RGS7: variants seen among roughly 807,000 people sequenced by gnomAD.
The protein encoded by RGS7 is regulator of G-protein signaling 7.
RGS7 carries 27 observed loss-of-function variants against 81.1 expected under a neutral mutation model. That is an observed-to-expected ratio of 0.33 (90% CI 0.25 to 0.46). The LOEUF is 0.46. Among genes scored for constraint, RGS7 ranks in the 20% least tolerant of loss-of-function variants. The pLI is 1.00. For synonymous variants in RGS7, 208 were observed against 207.7 expected (o/e 1.00, Z -0.01); for missense variants, 396 against 607.4 (o/e 0.65, Z 3.66).
intron 2 of RGS7, among the ~76,000 whole-genome samples, chr1:241,309,286 T>C (rs2080358713): frequency 6.9e-6 from 1 of 144,748 alleles, no homozygotes; most frequent in Non-Finnish European, 1.5e-5. Context: ...CCCGGGAGGC[T>C]GAGGCATGAG....
At chr1:241,253,829 A>C (rs1350937824) in intron 2 of RGS7, among the ~76,000 whole-genome samples, 1 of 152,156 alleles carries the variant, frequency 6.6e-6, no homozygotes, top group Non-Finnish European at 1.5e-5. Context: ...TATTTCTGTC[A>C]AAGAGACAGA....
intron 3 of RGS7, among the ~76,000 whole-genome samples, chr1:241,024,773 C>T (rs2059707150): frequency 6.6e-6 from 1 of 152,066 alleles, no homozygotes; most frequent in Non-Finnish European, 1.5e-5. Context: ...ATTTGAAATG[C>T]TTATGTATTA....
chr1:240,954,550 A>C (rs431188), intron 4 of RGS7, among the ~76,000 whole-genome samples: 131,585 of 151,408 alleles, frequency 0.87, 57,366 homozygotes, highest in Admixed American at 0.93. Flanking sequence ...AAACTTATCC[A>C]TGTAAAAGAA....
At chr1:240,793,611 A>ATATATATATATATATATATATTTTTTTT in intron 18 of RGS7, among the ~76,000 whole-genome samples, 2 of 78,870 alleles carry the variant, frequency 2.5e-5, no homozygotes, top group African/African-American at 9.7e-5. Flanking sequence ...ATATATATAT[A>ATATATATATATATATATATATTTTTTTT]TTTTTTTTTT....
chr1:241,047,682 T>C (rs1376838583), intron 3 of RGS7, among the ~76,000 whole-genome samples: 2 of 151,926 alleles, frequency 1.3e-5, no homozygotes, highest in South Asian at 2.1e-4. Context: ...ATTCATGCCA[T>C]TGCAACCATG....
intron 2 of RGS7, among the ~76,000 whole-genome samples, chr1:241,187,363 A>G (rs569385895): frequency 8.5e-5 from 13 of 152,334 alleles, no homozygotes; most frequent in Non-Finnish European, 1.6e-4. Context: ...GTGATAAATG[A>G]CTTATTCAAT....
intron 3 of RGS7, among the ~76,000 whole-genome samples, chr1:240,993,209 AAAAG>A (rs1301654117): frequency 6.6e-6 from 1 of 150,852 alleles, no homozygotes; most frequent in African/African-American, 2.4e-5. Flanking sequence ...AGAAGGAGAG[AAAAG>A]AAAGGAAGGA....
chr1:241,223,642 G>A lies in RGS7; in HGVS notation c.79-124880C>T, dbSNP rs1040938182. Among the ~76,000 whole-genome samples, 28 of 151,808 alleles carry A rather than the reference G, an allele frequency of 1.8e-4. 1 individual carries two copies. Among genetic ancestry groups the A allele is most frequent in the African/African-American group, 6.0e-4 (25 of 41,396 alleles). On this transcript the variant is annotated intron_variant, in intron 2 of 18. Coordinates refer to ENST00000440928, the MANE Select transcript of RGS7 (RefSeq NM_001364886.1). ...ATTCAAATATTGTAAAGTTTGTCACGTGAAAGAGGAATTAGCCTGTTCTCC... is the reference window on the plus strand; with the variant it reads ...ATTCAAATATTGTAAAGTTTGTCACATGAAAGAGGAATTAGCCTGTTCTCC...
chr1:241,013,749 T>C (rs965693967), intron 3 of RGS7, among the ~76,000 whole-genome samples: 1 of 152,192 alleles, frequency 6.6e-6, no homozygotes, highest in African/African-American at 2.4e-5. Context: ...TCAAGGAATT[T>C]AAAAAGCTGT....
intron 2 of RGS7, among the ~76,000 whole-genome samples, chr1:241,240,435 T>C (rs1448237423): frequency 2.0e-5 from 3 of 152,184 alleles, no homozygotes; most frequent in African/African-American, 7.2e-5. Flanking sequence ...CCTTTAAAAA[T>C]GGCCACAAAT....
chr1:240,870,769 T>C (rs978387706), intron 6 of RGS7, among the ~76,000 whole-genome samples: 5 of 152,182 alleles, frequency 3.3e-5, no homozygotes, highest in Admixed American at 2.6e-4. Flanking sequence ...AAAATCATTT[T>C]GTGAAAAGGA....
rs114126072 is a variant in RGS7, at chr1:240,823,815, C to A, written c.684+3283G>T. Among the ~76,000 whole-genome samples the A allele has an allele frequency of 2.2e-5, 3 of 137,216 alleles. No homozygotes were observed. In the East Asian group the frequency reaches 7.6e-4, roughly 35 times the overall value. The allele number at this position is 137,216 out of a possible 152,430, so 90.0% of individuals were successfully genotyped here. ...AATCTCTGTCTCTGTCTCTCTCCCCCCTCCCGCCCCCCACTCTGTCTCTGG... is the reference window on the plus strand; with the variant it reads ...AATCTCTGTCTCTGTCTCTCTCCCCACTCCCGCCCCCCACTCTGTCTCTGG... On this transcript the variant is annotated intron_variant, in intron 10 of 18. Coordinates refer to ENST00000440928, the MANE Select transcript of RGS7 (RefSeq NM_001364886.1).
At chr1:240,800,851 T>C in intron 17 of RGS7, 130 bp from the exon 18 acceptor site, 1 of 447,466 alleles carries the variant, frequency 2.2e-6, no homozygotes, top group East Asian at 3.8e-5. Context: ...CATGGCAAGA[T>C]ACTAAGAAAA....
chr1:241,333,037 A>T (rs942832193), intron 2 of RGS7, among the ~76,000 whole-genome samples: 1 of 152,228 alleles, frequency 6.6e-6, no homozygotes, highest in Non-Finnish European at 1.5e-5. Flanking sequence ...CTGGAGGGAA[A>T]GGGATAACAA....
intron 3 of RGS7, among the ~76,000 whole-genome samples, chr1:240,999,418 C>T (rs1247913563): frequency 2.0e-5 from 3 of 151,988 alleles, no homozygotes; most frequent in Non-Finnish European, 4.4e-5. Flanking sequence ...AGAAAGTTTA[C>T]GAATTGCTTT....
intron 4 of RGS7, among the ~76,000 whole-genome samples, chr1:240,972,235 G>C (rs530588712): frequency 6.6e-6 from 1 of 152,070 alleles, no homozygotes; most frequent in African/African-American, 2.4e-5. Flanking sequence ...TGTTCAAAAA[G>C]GTGCAGGACA....
intron 2 of RGS7, among the ~76,000 whole-genome samples, chr1:241,118,539 T>C (rs776896912): frequency 2.6e-5 from 4 of 152,204 alleles, no homozygotes; most frequent in Non-Finnish European, 5.9e-5. Flanking sequence ...ATCCTACTAC[T>C]GGGTATTTAC....
chr1:241,220,595 T>C (rs1390439951), intron 2 of RGS7, among the ~76,000 whole-genome samples: 1 of 152,164 alleles, frequency 6.6e-6, no homozygotes. Context: ...GTGGGTTGGT[T>C]ACAGCTTTCT....
At chr1:241,074,999 C>T (rs982807435) in intron 3 of RGS7, among the ~76,000 whole-genome samples, 1 of 152,130 alleles carries the variant, frequency 6.6e-6, no homozygotes, top group African/African-American at 2.4e-5. Flanking sequence ...ATTTGCCCCC[C>T]ACAACTCTTA....
Sources: gnomAD v4.1 joint callset for allele counts (sites outside exome capture counted in the v4.1 genomes callset) on GRCh38, gnomAD v4.1.1 for gene constraint, MANE v1.5 for transcripts, NCBI Gene and HGNC (gene_info 2026-07-23, HGNC 2026-07-21) for gene names.